Variants in ASIC2 observed in about 807,000 individuals in gnomAD.
ASIC2 encodes acid sensing ion channel subunit 2, also known as acid-sensing ion channel 2.
In ASIC2, 25 loss-of-function variants were observed where a neutral mutation model predicts 57.3. That is an observed-to-expected ratio of 0.44 (90% confidence interval 0.32 to 0.61). ASIC2 has a LOEUF of 0.61. Ranked by LOEUF, ASIC2 falls within the 20% of genes least tolerant of loss-of-function variation. ASIC2 has a pLI of 0.06. For missense variants in ASIC2, 641 were observed against 738.1 expected (o/e 0.87, Z 1.52); for synonymous variants, 319 against 307.5 (o/e 1.04, Z -0.39).
At chr17:34,093,774 A>G (rs1414649426) in intron 1 of ASIC2, among the ~76,000 whole-genome samples, 2 of 152,200 alleles carry the variant, frequency 1.3e-5, no homozygotes, top group African/African-American at 4.8e-5. Context: ...TGTGTGAACT[A>G]AGACCACCCG....
chr17:33,772,469 A>C (rs1911141906), intron 1 of ASIC2, among the ~76,000 whole-genome samples: 3 of 152,152 alleles, frequency 2.0e-5, no homozygotes, highest in South Asian at 2.1e-4. Context: ...ACATTAAATA[A>C]ATTTGTATGT....
At chr17:33,072,699 T>C (rs2092074176) in intron 3 of ASIC2, among the ~76,000 whole-genome samples, 1 of 152,214 alleles carries the variant, frequency 6.6e-6, no homozygotes, top group South Asian at 2.1e-4. Context: ...GATCTGCTCA[T>C]GGCTACCTAG....
intron 1 of ASIC2, among the ~76,000 whole-genome samples, chr17:34,086,227 T>C (rs1400977683): frequency 6.6e-6 from 1 of 150,906 alleles, no homozygotes; most frequent in Non-Finnish European, 1.5e-5. Flanking sequence ...CCAGAGATTC[T>C]GGTATGTTGT....
chr17:33,688,098 G>A (rs1908251389), intron 1 of ASIC2, among the ~76,000 whole-genome samples: 1 of 152,134 alleles, frequency 6.6e-6, no homozygotes, highest in Non-Finnish European at 1.5e-5. Flanking sequence ...TGTGTGTTGG[G>A]GGTGGCCTGA....
intron 1 of ASIC2, among the ~76,000 whole-genome samples, chr17:33,138,802 G>T (rs1035756854): frequency 6.6e-6 from 1 of 152,174 alleles, no homozygotes; most frequent in African/African-American, 2.4e-5. Context: ...TGGGGATTAT[G>T]TTAATATACT....
chr17:33,459,912 G>C (rs528639943), intron 1 of ASIC2, among the ~76,000 whole-genome samples: 1 of 152,250 alleles, frequency 6.6e-6, no homozygotes, highest in African/African-American at 2.4e-5. Flanking sequence ...ATATTAATTA[G>C]GTGGCACCAA....
At chr17:33,382,605 T>A (rs12150421) in intron 1 of ASIC2, among the ~76,000 whole-genome samples, 19,522 of 152,240 alleles carry the variant, frequency 0.13, 1,342 homozygotes, top group Middle Eastern at 0.19. Context: ...TGTCAGACAC[T>A]GTGCTGCATA....
intron 1 of ASIC2, among the ~76,000 whole-genome samples, chr17:33,752,825 C>A (rs2701490): frequency 6.6e-6 from 1 of 152,058 alleles, no homozygotes; most frequent in Non-Finnish European, 1.5e-5. Flanking sequence ...GGTGGAGCAA[C>A]AGCAACTCCC....
chr17:33,082,263 T>C (rs1251393228), intron 3 of ASIC2, among the ~76,000 whole-genome samples: 1 of 152,112 alleles, frequency 6.6e-6, no homozygotes, highest in East Asian at 1.9e-4. Context: ...TCTAGATTCA[T>C]TCCCAGGACC....
At chr17:33,920,418 C>A (rs1915684128) in intron 1 of ASIC2, among the ~76,000 whole-genome samples, 1 of 152,084 alleles carries the variant, frequency 6.6e-6, no homozygotes, top group Non-Finnish European at 1.5e-5. Flanking sequence ...AACATGGATG[C>A]AGGTGGAGGC....
At chr17:33,271,768 C>T (rs568081478) in intron 1 of ASIC2, among the ~76,000 whole-genome samples, 1 of 152,228 alleles carries the variant, frequency 6.6e-6, no homozygotes, top group Admixed American at 6.5e-5. Context: ...CTTATCCACA[C>T]TCATCCAGTC....
chr17:33,067,085 C>T (rs558771215), intron 3 of ASIC2, among the ~76,000 whole-genome samples: 13 of 152,262 alleles, frequency 8.5e-5, no homozygotes, highest in African/African-American at 1.9e-4. Flanking sequence ...GAATCTTTGG[C>T]GAGCATGGCT....
At chr17:33,014,161 TC>T in intron 9 of ASIC2, 95 bp from the exon 10 acceptor site, 1 of 951,840 alleles carries the variant, frequency 1.1e-6, no homozygotes, top group Non-Finnish European at 1.7e-6. Context: ...GGGAAGGTGC[TC>T]CCCACTTGTG....
At chr17:33,673,099 T>C (rs1410108989) in intron 1 of ASIC2, among the ~76,000 whole-genome samples, 1 of 152,094 alleles carries the variant, frequency 6.6e-6, no homozygotes, top group Admixed American at 6.6e-5. Context: ...GGTGACCTCA[T>C]AGAGGCGGCA....
At chr17:33,340,281 A>C (rs906926653) in intron 1 of ASIC2, among the ~76,000 whole-genome samples, 2 of 152,128 alleles carry the variant, frequency 1.3e-5, no homozygotes, top group Non-Finnish European at 2.9e-5. Context: ...AAGACCTCTG[A>C]GGGTGATGGG....
chr17:33,348,396 C>G (rs755740722), intron 1 of ASIC2, among the ~76,000 whole-genome samples: 1 of 152,198 alleles, frequency 6.6e-6, no homozygotes, highest in African/African-American at 2.4e-5. Flanking sequence ...AGAAGCAGAA[C>G]AGCAAACCCT....
chr17:34,069,262 T>TC (rs1909292663), intron 1 of ASIC2: 2 of 146,622 alleles, frequency 1.4e-5, no homozygotes, highest in Non-Finnish European at 3.0e-5. Context: ...TTCCTTTCCT[T>TC]TTCCTTTCTT....
intron 1 of ASIC2, among the ~76,000 whole-genome samples, chr17:33,777,568 A>G (rs575040913): frequency 1.3e-5 from 2 of 152,170 alleles, no homozygotes; most frequent in African/African-American, 2.4e-5. Flanking sequence ...ACTGAGCTCA[A>G]GCAAAAGTCA....
At chr17:33,626,514 C>T (rs1039195831) in intron 1 of ASIC2, among the ~76,000 whole-genome samples, 3 of 152,138 alleles carry the variant, frequency 2.0e-5, no homozygotes, top group Admixed American at 1.3e-4. Flanking sequence ...CACTATTTAA[C>T]GAAATGCGCT....
Sources: allele counts gnomAD v4.1 joint callset (sites outside exome capture counted in the v4.1 genomes callset), GRCh38; gene constraint gnomAD v4.1.1; transcripts MANE v1.5; gene names NCBI Gene and HGNC (gene_info 2026-07-23, HGNC 2026-07-21).